Variants in CCSER2 observed in about 807,000 individuals in gnomAD.
The protein encoded by CCSER2 is coiled-coil serine rich protein 2, also known as serine-rich coiled-coil domain-containing protein 2.
Under a neutral mutation model 92.3 loss-of-function variants are expected in CCSER2, and 46 were observed. That is an observed-to-expected ratio of 0.50 (90% CI 0.39 to 0.64). The LOEUF (loss-of-function observed/expected upper bound fraction) is 0.64. Among genes scored for constraint, CCSER2 ranks in the 30% least tolerant of loss-of-function variants. CCSER2 has a pLI of 0.00. For synonymous variants in CCSER2, 433 were observed against 431.4 expected (o/e 1.00, Z -0.04); for missense variants, 1,244 against 1,238.9 (o/e 1.00, Z -0.06).
intron 4 of CCSER2, chr10:84,424,948 G>A (rs1169566589): frequency 3.1e-6 from 3 of 981,594 alleles, no homozygotes; most frequent in Non-Finnish European, 3.6e-6. Flanking sequence ...CAGTGCCTTG[G>A]GTACAACTAT....
intron 1 of CCSER2, among the ~76,000 whole-genome samples, chr10:84,357,739 C>T (rs1473172819): frequency 3.3e-5 from 5 of 152,220 alleles, no homozygotes; most frequent in Non-Finnish European, 5.9e-5. Context: ...CGTGAGCCAC[C>T]GCGCTCGGCC....
rs1844682159 is a variant in CCSER2, at chr10:84,443,183, A to C, written c.2064+4476A>C. Among the ~76,000 whole-genome samples the C allele has an allele frequency of 3.3e-5, 5 of 152,224 alleles. No individual in the cohort carries two copies. The South Asian group carries it at 1.0e-3, about 31-fold the overall frequency. On this transcript the variant is annotated intron_variant, in intron 6 of 9. Transcript: ENST00000372088. The stretch of plus-strand genomic sequence containing the variant: ...AAACTAAAGAACTTCTGCACAGCAA[A>C]AGAAACTACCATCAGAGTGAAGAGG...
intron 1 of CCSER2, among the ~76,000 whole-genome samples, chr10:84,364,516 C>T (rs1159328204): frequency 6.6e-6 from 1 of 152,164 alleles, no homozygotes; most frequent in Non-Finnish European, 1.5e-5. Flanking sequence ...ATATTAGCCT[C>T]TCTGAATCTT....
intron 3 of CCSER2, among the ~76,000 whole-genome samples, chr10:84,414,608 A>G (rs1842807105): frequency 6.6e-6 from 1 of 151,298 alleles, no homozygotes; most frequent in Non-Finnish European, 1.5e-5. Context: ...GACCTTGAGA[A>G]TCTGATGTTT....
At chr10:84,453,907 G>C (rs1046934269) in intron 6 of CCSER2, among the ~76,000 whole-genome samples, 6 of 152,008 alleles carry the variant, frequency 3.9e-5, no homozygotes, top group Non-Finnish European at 8.8e-5. Flanking sequence ...TGCTATTTCA[G>C]CTTTTTGTGG....
chr10:84,514,075 C>T lies in CCSER2; in HGVS notation c.2952C>T (p.Pro984=), dbSNP rs1446620874. 3 of 1,536,250 alleles carry T rather than the reference C, an allele frequency of 2.0e-6. No homozygotes were observed. Among genetic ancestry groups the T allele is most frequent in the Non-Finnish European group, 2.6e-6 (3 of 1,146,940 alleles). Residue 984 remains proline (P), a synonymous_variant, in exon 10 of 10, where the codon CCC becomes CCT. Coordinates refer to ENST00000372088, the MANE Select transcript of CCSER2 (RefSeq NM_001284240.2). ...TGAAAGCATCTAAGCTCCGCCCCCC[C>T]TCAGGCTCTTTCAAACAAAAACAAA... The part of the protein sequence containing the change: ...QNLKASKLRP[P]SGSFKQKQTN...
intron 5 of CCSER2, among the ~76,000 whole-genome samples, chr10:84,435,137 A>T (rs2133484281): frequency 6.6e-6 from 1 of 152,346 alleles, no homozygotes; most frequent in Non-Finnish European, 1.5e-5. Context: ...CCTAAGGCAT[A>T]TAAACTTTGT....
intron 3 of CCSER2, among the ~76,000 whole-genome samples, chr10:84,405,261 G>T (rs543712656): frequency 6.6e-6 from 1 of 152,092 alleles, no homozygotes; most frequent in East Asian, 1.9e-4. Flanking sequence ...CCATTTGATC[G>T]TTCATATATT....
intron 8 of CCSER2, among the ~76,000 whole-genome samples, chr10:84,473,588 G>A (rs893162051): frequency 1.3e-5 from 2 of 152,106 alleles, no homozygotes; most frequent in Non-Finnish European, 2.9e-5. Flanking sequence ...TATAGAACTC[G>A]AGAAAGTCAC....
chr10:84,506,057 T>C (rs1378938604), intron 9 of CCSER2, among the ~76,000 whole-genome samples: 4 of 151,798 alleles, frequency 2.6e-5, no homozygotes, highest in Admixed American at 1.3e-4. Context: ...CTTTGAGATA[T>C]AGACCCACGA....
chr10:84,346,389 TA>T (rs879310366), intron 1 of CCSER2, among the ~76,000 whole-genome samples: 90 of 143,300 alleles, frequency 6.3e-4, no homozygotes, highest in East Asian at 1.4e-3. Flanking sequence ...CTTTAGGAAT[TA>T]AAAAAAAAAA....
chr10:84,462,676 C>G (rs1846172883), intron 6 of CCSER2, among the ~76,000 whole-genome samples: 1 of 152,182 alleles, frequency 6.6e-6, no homozygotes, highest in Admixed American at 6.5e-5. Context: ...AGTAATTTAT[C>G]TATGCTGGAA....
At chr10:84,390,838 A>G (rs564668436) in intron 3 of CCSER2, 33 of 540,748 alleles carry the variant, frequency 6.1e-5, no homozygotes, top group South Asian at 3.9e-4. Context: ...GATCTTGGAC[A>G]TCTTAATCTT....
chr10:84,470,541 T>C, intron 8 of CCSER2, 83 bp downstream of exon 8: 1 of 1,170,514 alleles, frequency 8.5e-7, no homozygotes, highest in South Asian at 2.0e-5. Flanking sequence ...AGAAGTAGAG[T>C]TTAGCTTTAT....
intron 1 of CCSER2, among the ~76,000 whole-genome samples, chr10:84,349,344 A>T (rs1309216579): frequency 6.6e-6 from 1 of 152,126 alleles, no homozygotes; most frequent in Non-Finnish European, 1.5e-5. Context: ...CCCATCACTG[A>T]GTCCTGTAGT....
chr10:84,358,139 G>A (rs1845290762), intron 1 of CCSER2, among the ~76,000 whole-genome samples: 1 of 152,090 alleles, frequency 6.6e-6, no homozygotes, highest in Admixed American at 6.6e-5. Context: ...GTGAGGTTAG[G>A]GTCTAAAGTT....
rs74672292 is a variant in CCSER2 at position 84,483,510 on chromosome 10, A to G, written c.2325+5846A>G. ...AAAAGCAGAAAACTATCACAGTTAC[A>G]TCACAAAAATCACATCAAATGTTTA... is the stretch of plus-strand genomic sequence containing the variant. On this transcript the variant is annotated intron_variant, in intron 9 of 9. Coordinates refer to ENST00000372088, the MANE Select transcript of CCSER2 (RefSeq NM_001284240.2). 6.5e-4 allele frequency among the ~76,000 whole-genome samples: 99 copies of G among 152,264 alleles called. 4 individuals carry two copies. In the East Asian group the frequency reaches 0.017, roughly 27 times the overall value.
At chr10:84,501,834 A>AAAAAAATATAT (rs1167460274) in intron 9 of CCSER2, among the ~76,000 whole-genome samples, 2 of 40,150 alleles carry the variant, frequency 5.0e-5, no homozygotes, top group Non-Finnish European at 1.6e-4. Flanking sequence ...AAAAAAAAAA[A>AAAAAAATATAT]ATATATATAT....
intron 4 of CCSER2, among the ~76,000 whole-genome samples, chr10:84,423,321 A>G (rs551914589): frequency 1.1e-4 from 16 of 152,298 alleles, no homozygotes; most frequent in Non-Finnish European, 2.1e-4. Flanking sequence ...GTTTAAGCCC[A>G]CCTTGTCTAA....
Sources: gnomAD v4.1 joint callset for allele counts (sites outside exome capture counted in the v4.1 genomes callset) on GRCh38, gnomAD v4.1.1 for gene constraint, MANE v1.5 for transcripts, NCBI Gene and HGNC (gene_info 2026-07-23, HGNC 2026-07-21) for gene names.